PDE3A: variants seen among roughly 807,000 people sequenced by gnomAD.
PDE3A encodes phosphodiesterase 3A.
In PDE3A, 43 loss-of-function variants were observed where a neutral mutation model predicts 98.3. The observed-to-expected ratio is 0.44, with a 90% CI of 0.34 to 0.56. The LOEUF is 0.56. PDE3A is among the 20% of genes least tolerant of loss of function. The probability of loss-of-function intolerance (pLI) is 0.01; values close to 1 mark genes in which losing one functional copy is unlikely to be tolerated. For synonymous variants in PDE3A, 663 were observed against 567.9 expected (o/e 1.17, Z -2.38); for missense variants, 1,427 against 1,440.7 (o/e 0.99, Z 0.15).
chr12:20,544,099 G>A (rs1295144709), intron 1 of PDE3A, among the ~76,000 whole-genome samples: 5 of 151,328 alleles, frequency 3.3e-5, no homozygotes, highest in African/African-American at 4.8e-5. Context: ...CTCCTGTGGT[G>A]CCTTTGGGTT....
intron 15 of PDE3A, among the ~76,000 whole-genome samples, chr12:20,656,177 A>G (rs553298573): frequency 3.5e-4 from 53 of 152,298 alleles, no homozygotes; most frequent in African/African-American, 1.3e-3. Context: ...AATATCCTCA[A>G]GGTTCTTACC....
chr12:20,440,035 A>ATT (rs2076212856), intron 1 of PDE3A, among the ~76,000 whole-genome samples: 1 of 152,128 alleles, frequency 6.6e-6, no homozygotes, highest in Non-Finnish European at 1.5e-5. Flanking sequence ...GATTGTTTTT[A>ATT]TTTGGGTACT....
chr12:20,423,834 T>C (rs1235829113), intron 1 of PDE3A, among the ~76,000 whole-genome samples: 2 of 152,084 alleles, frequency 1.3e-5, no homozygotes, highest in Admixed American at 1.3e-4. Context: ...TACCCAAACA[T>C]ATCCCAAGGT....
At chr12:20,607,449 A>G (rs1345769632) in intron 2 of PDE3A, among the ~76,000 whole-genome samples, 2 of 151,732 alleles carry the variant, frequency 1.3e-5, no homozygotes, top group Non-Finnish European at 2.9e-5. Flanking sequence ...AAAAAAAAAA[A>G]AAGAAAAAAG....
chr12:20,679,902 TA>T (rs1945729861), intron 15 of PDE3A, 127 bp from the exon 16 acceptor site: 5 of 3,350 alleles, frequency 1.5e-3, no homozygotes, highest in Admixed American at 7.2e-3. Context: ...ATAATATATA[TA>T]TAATATAATA....
At chr12:20,650,687 G>T in intron 14 of PDE3A, 87 bp downstream of exon 14, 1 of 737,714 alleles carries the variant, frequency 1.4e-6, no homozygotes. Context: ...ATGAAAGTAT[G>T]ATCACTCTAT....
At chr12:20,548,819 C>T (rs1208193986) in intron 1 of PDE3A, among the ~76,000 whole-genome samples, 1 of 152,126 alleles carries the variant, frequency 6.6e-6, no homozygotes, top group African/African-American at 2.4e-5. Context: ...TGGTCATCTG[C>T]AACTTAACAC....
At chr12:20,454,832 A>G (rs1254019597) in intron 1 of PDE3A, among the ~76,000 whole-genome samples, 3 of 152,146 alleles carry the variant, frequency 2.0e-5, no homozygotes, top group Non-Finnish European at 4.4e-5. Flanking sequence ...ATAGTATTCC[A>G]TGGTGTACAT....
At chr12:20,381,063 A>C (rs1943655448) in intron 1 of PDE3A, among the ~76,000 whole-genome samples, 1 of 151,804 alleles carries the variant, frequency 6.6e-6, no homozygotes, top group African/African-American at 2.4e-5. Flanking sequence ...ATAGTTATTA[A>C]GGCAGTAGCC....
chr12:20,450,827 T>C (rs1945050232), intron 1 of PDE3A, among the ~76,000 whole-genome samples: 1 of 152,212 alleles, frequency 6.6e-6, no homozygotes, highest in African/African-American at 2.4e-5. Flanking sequence ...TGGTCAGGTC[T>C]CACTAGGGAT....
At chr12:20,388,948 A>T (rs994577348) in intron 1 of PDE3A, among the ~76,000 whole-genome samples, 5 of 152,086 alleles carry the variant, frequency 3.3e-5, no homozygotes, top group African/African-American at 9.7e-5. Context: ...GAAGAGCTGT[A>T]CAATTTTGCA....
rs1479160735 is a variant in PDE3A, at chr12:20,680,989, T to G, written c.*718T>G. ...GCTGTAGCAAATGACTGAATACATG[T>G]GAACAAACAGAAGGAAGTTCACTCT... On this transcript the variant is annotated 3_prime_UTR_variant, in exon 16 of 16. Transcript: ENST00000359062. 1 of 152,072 alleles carries G rather than the reference T, an allele frequency of 6.6e-6. No individual in the cohort carries two copies. Among genetic ancestry groups the G allele is most frequent in the Non-Finnish European group, 1.5e-5 (1 of 68,032 alleles). 9.4% of individuals were successfully genotyped at this position (152,072 alleles called of 1,614,324 possible).
At chr12:20,377,723 T>A (rs1488570595) in intron 1 of PDE3A, among the ~76,000 whole-genome samples, 1 of 151,812 alleles carries the variant, frequency 6.6e-6, no homozygotes, top group African/African-American at 2.4e-5. Flanking sequence ...ATTATTGCAT[T>A]TATTTTAAAA....
intron 3 of PDE3A, among the ~76,000 whole-genome samples, chr12:20,614,953 A>AGTT (rs767680199): frequency 1.2e-4 from 18 of 151,144 alleles, no homozygotes; most frequent in Admixed American, 7.2e-4. Flanking sequence ...CTGTTGCTGA[A>AGTT]GTTATAGGAA....
chr12:20,650,646 G>T (rs147339263), intron 14 of PDE3A, 46 bp downstream of exon 14: 3 of 1,249,290 alleles, frequency 2.4e-6, no homozygotes, highest in East Asian at 4.7e-5. Flanking sequence ...CTTACAGGTT[G>T]CTCATGAATT....
intron 1 of PDE3A, among the ~76,000 whole-genome samples, chr12:20,459,599 A>G (rs1945213332): frequency 6.6e-6 from 1 of 152,228 alleles, no homozygotes. Context: ...TTTACATTGT[A>G]GAGCATGTTC....
rs1945370594 is a variant in PDE3A at position 20,668,173 on chromosome 12, T to A, written c.3185-11857T>A. Among the ~76,000 whole-genome samples, 3 of 151,980 alleles carry A rather than the reference T, an allele frequency of 2.0e-5. No homozygotes were observed. In the South Asian group the frequency reaches 6.2e-4, roughly 32 times the overall value. On this transcript the variant is annotated intron_variant, in intron 15 of 15. Coordinates refer to ENST00000359062, the MANE Select transcript of PDE3A (RefSeq NM_000921.5). ...AAAAACGGCGCACCATGAGATTATA[T>A]CCCGCACCTGGCTTGGAGGGTCCTA...
At chr12:20,514,660 C>T (rs986665924) in intron 1 of PDE3A, among the ~76,000 whole-genome samples, 1 of 152,144 alleles carries the variant, frequency 6.6e-6, no homozygotes, top group Non-Finnish European at 1.5e-5. Flanking sequence ...TAGATTTGTT[C>T]AGTGTTAACA....
intron 1 of PDE3A, among the ~76,000 whole-genome samples, chr12:20,379,725 A>C (rs571622445): frequency 6.6e-6 from 1 of 151,964 alleles, no homozygotes; most frequent in South Asian, 2.1e-4. Flanking sequence ...TTCTATGGGA[A>C]GAAGAGAAGA....
Sources: gnomAD v4.1 joint callset for allele counts (sites outside exome capture counted in the v4.1 genomes callset) on GRCh38, gnomAD v4.1.1 for gene constraint, MANE v1.5 for transcripts, NCBI Gene and HGNC (gene_info 2026-07-23, HGNC 2026-07-21) for gene names.